Variants in NLGN1 observed in about 807,000 individuals in gnomAD.
The protein encoded by NLGN1 is neuroligin-1.
In NLGN1, 12 loss-of-function variants were observed where a neutral mutation model predicts 65.5. The observed-to-expected ratio is 0.18, with a 90% CI of 0.12 to 0.30. The LOEUF (loss-of-function observed/expected upper bound fraction) is 0.30, where lower values mean the gene tolerates loss of function less well. NLGN1 is among the 10% of genes least tolerant of loss of function. The pLI, the probability that NLGN1 is intolerant of heterozygous loss-of-function variation, is 1.00. For missense variants in NLGN1, 750 were observed against 1,007.1 expected (o/e 0.74, Z 3.46); for synonymous variants, 350 against 359.5 (o/e 0.97, Z 0.30).
At chr3:173,641,683 C>G (rs183705106) in intron 3 of NLGN1, among the ~76,000 whole-genome samples, 2 of 152,278 alleles carry the variant, frequency 1.3e-5, no homozygotes, top group Admixed American at 1.3e-4. Flanking sequence ...ACTCTCATTT[C>G]TTTAAATGGA....
chr3:173,775,461 T>C (rs1333042112), intron 3 of NLGN1, among the ~76,000 whole-genome samples: 5 of 152,068 alleles, frequency 3.3e-5, no homozygotes, highest in African/African-American at 9.7e-5. Context: ...AGTATTAACC[T>C]TTCTGATGCT....
At chr3:173,732,676 T>C (rs1160988925) in intron 3 of NLGN1, among the ~76,000 whole-genome samples, 1 of 152,076 alleles carries the variant, frequency 6.6e-6, no homozygotes, top group East Asian at 1.9e-4. Flanking sequence ...CAAAATTGAT[T>C]CAGTGACCTA....
intron 3 of NLGN1, among the ~76,000 whole-genome samples, chr3:173,649,169 A>G (rs995961846): frequency 6.6e-6 from 1 of 152,300 alleles, no homozygotes; most frequent in African/African-American, 2.4e-5. Context: ...TAATTCCATT[A>G]GTATAAAACT....
At chr3:173,796,514 T>C (rs1714103614) in intron 3 of NLGN1, among the ~76,000 whole-genome samples, 1 of 152,086 alleles carries the variant, frequency 6.6e-6, no homozygotes, top group East Asian at 1.9e-4. Context: ...CCACTGAATT[T>C]ATTTATTGCC....
chr3:174,100,604 C>T lies in NLGN1; in HGVS notation c.647-174711C>T, dbSNP rs186706061. Among the ~76,000 whole-genome samples the T allele has an allele frequency of 1.1e-4, 16 of 152,174 alleles. No individual in the cohort carries two copies. In the South Asian group the frequency reaches 2.7e-3, roughly 26 times the overall value. Reference sequence around the variant, plus strand: ...CTTCACATGCTGGCTTCCAGCCACACGGAACTCTAAAAGTGGTTTCTCCAA... The same window carrying T: ...CTTCACATGCTGGCTTCCAGCCACATGGAACTCTAAAAGTGGTTTCTCCAA... On this transcript the variant is annotated intron_variant, in intron 4 of 6. Coordinates refer to ENST00000457714, the Ensembl canonical transcript of NLGN1.
At chr3:174,019,215 T>G in intron 4 of NLGN1, among the ~76,000 whole-genome samples, 1 of 152,172 alleles carries the variant, frequency 6.6e-6, no homozygotes, top group Non-Finnish European at 1.5e-5. Flanking sequence ...AATGTGTCCC[T>G]CACATTTCAT....
intron 2 of NLGN1, among the ~76,000 whole-genome samples, chr3:173,494,583 A>C (rs1729707692): frequency 6.6e-6 from 1 of 151,670 alleles, no homozygotes; most frequent in South Asian, 2.1e-4. Flanking sequence ...CTTTGCTTAC[A>C]TTCTGTGACA....
chr3:173,674,396 A>T (rs1247310487), intron 3 of NLGN1, among the ~76,000 whole-genome samples: 2 of 152,100 alleles, frequency 1.3e-5, no homozygotes, highest in Non-Finnish European at 2.9e-5. Context: ...TTTACAGATG[A>T]GGAGACTGAG....
At chr3:174,046,474 C>A (rs1490047948) in intron 4 of NLGN1, among the ~76,000 whole-genome samples, 1 of 151,976 alleles carries the variant, frequency 6.6e-6, no homozygotes, top group East Asian at 1.9e-4. Flanking sequence ...CTGGGATTTG[C>A]TCTTGATCTT....
At chr3:173,771,761 C>T (rs964425825) in intron 3 of NLGN1, among the ~76,000 whole-genome samples, 1 of 151,220 alleles carries the variant, frequency 6.6e-6, no homozygotes. Flanking sequence ...TTAATAAAAA[C>T]TTTTTATATA....
intron 2 of NLGN1, among the ~76,000 whole-genome samples, chr3:173,599,572 C>A (rs914881905): frequency 3.3e-5 from 5 of 152,064 alleles, no homozygotes; most frequent in Admixed American, 1.3e-4. Flanking sequence ...CTGCTGAAAC[C>A]AGATATTATT....
chr3:173,743,691 C>A (rs1774971917), intron 3 of NLGN1, among the ~76,000 whole-genome samples: 1 of 152,076 alleles, frequency 6.6e-6, no homozygotes, highest in Non-Finnish European at 1.5e-5. Context: ...ATAACAGTAG[C>A]AGCAAGCTAC....
chr3:174,191,422 G>A (rs561314306), intron 4 of NLGN1, among the ~76,000 whole-genome samples: 2 of 152,112 alleles, frequency 1.3e-5, no homozygotes, highest in Non-Finnish European at 2.9e-5. Flanking sequence ...CTTTTAAGCT[G>A]TTAGTCAAAT....
chr3:173,539,685 T>TGTAC (rs1738280572), intron 2 of NLGN1, among the ~76,000 whole-genome samples: 1 of 140,056 alleles, frequency 7.1e-6, no homozygotes, highest in South Asian at 2.2e-4. Flanking sequence ...ATAACATACA[T>TGTAC]ATATGTACAT....
intron 4 of NLGN1, among the ~76,000 whole-genome samples, chr3:174,072,135 G>A (rs1352332953): frequency 6.6e-6 from 1 of 152,184 alleles, no homozygotes; most frequent in Admixed American, 6.5e-5. Context: ...TGAAAAGTAA[G>A]TCTAAGTCTA....
chr3:174,285,989 G>T (rs1034485168), exon 7 of NLGN1: 1 of 151,146 alleles, frequency 6.6e-6, no homozygotes, highest in African/African-American at 2.4e-5. Context: ...AATTATATAG[G>T]CATCTGACTT....
chr3:173,862,516 A>T (rs1430439584), intron 4 of NLGN1, among the ~76,000 whole-genome samples: 1 of 149,356 alleles, frequency 6.7e-6, no homozygotes, highest in Non-Finnish European at 1.5e-5. Context: ...AAAAAAAAAA[A>T]AAAAAAAAAA....
At chr3:173,949,632 G>C (rs1210410696) in intron 4 of NLGN1, among the ~76,000 whole-genome samples, 1 of 151,938 alleles carries the variant, frequency 6.6e-6, no homozygotes, top group Non-Finnish European at 1.5e-5. Context: ...AAAAAATGAA[G>C]GCATCCTATA....
chr3:173,878,663 T>TAC (rs767387459), intron 4 of NLGN1, among the ~76,000 whole-genome samples: 7 of 149,552 alleles, frequency 4.7e-5, no homozygotes, highest in Non-Finnish European at 8.9e-5. Flanking sequence ...TATATATATA[T>TAC]ACACATACAT....
Sources: gnomAD v4.1 joint callset for allele counts (sites outside exome capture counted in the v4.1 genomes callset) on GRCh38, gnomAD v4.1.1 for gene constraint, MANE v1.5 for transcripts, NCBI Gene and HGNC (gene_info 2026-07-23, HGNC 2026-07-21) for gene names.